CDC14A: variants seen among roughly 807,000 people sequenced by gnomAD.
The protein encoded by CDC14A is dual specificity protein phosphatase CDC14A.
In CDC14A, 53 loss-of-function variants were observed where a neutral mutation model predicts 74.4. The ratio of observed to expected loss-of-function variants is 0.71; its 90% confidence interval spans 0.57 to 0.89. The LOEUF (loss-of-function observed/expected upper bound fraction) is 0.89. Ranked by LOEUF, CDC14A falls within the 40% of genes least tolerant of loss-of-function variation. The probability of loss-of-function intolerance (pLI) is 0.00; values close to 1 mark genes in which losing one functional copy is unlikely to be tolerated. For missense variants in CDC14A, 646 were observed against 713.7 expected (o/e 0.91, Z 1.08); for synonymous variants, 247 against 258.4 (o/e 0.96, Z 0.43).
intron 2 of CDC14A, among the ~76,000 whole-genome samples, chr1:100,360,666 C>T (rs963925980): frequency 6.6e-6 from 1 of 152,024 alleles, no homozygotes; most frequent in African/African-American, 2.4e-5. Context: ...ATTCTGTAAT[C>T]CAGGGGAATC....
At chr1:100,453,562 G>A (rs567382980) in intron 7 of CDC14A, among the ~76,000 whole-genome samples, 1 of 152,256 alleles carries the variant, frequency 6.6e-6, no homozygotes, top group East Asian at 1.9e-4. Context: ...ATAAATAGAA[G>A]CTATGCTTGA....
intron 7 of CDC14A, among the ~76,000 whole-genome samples, chr1:100,444,549 A>G (rs921587321): frequency 1.1e-4 from 17 of 152,154 alleles, no homozygotes; most frequent in Non-Finnish European, 2.4e-4. Context: ...TCTGTGTTCC[A>G]GCTCCTCAAA....
intron 11 of CDC14A, among the ~76,000 whole-genome samples, chr1:100,489,721 G>C (rs1366553623): frequency 2.0e-5 from 3 of 152,054 alleles, no homozygotes; most frequent in Admixed American, 2.0e-4. Context: ...TCCTCCAAAG[G>C]GCAGTGGGGC....
At chr1:100,447,795 C>T (rs1352856480) in intron 7 of CDC14A, among the ~76,000 whole-genome samples, 1 of 152,206 alleles carries the variant, frequency 6.6e-6, no homozygotes, top group Non-Finnish European at 1.5e-5. Flanking sequence ...CACCCATATA[C>T]AGAGTCTACC....
At chr1:100,469,979 A>C (rs1668231128) in intron 10 of CDC14A, among the ~76,000 whole-genome samples, 1 of 152,228 alleles carries the variant, frequency 6.6e-6, no homozygotes, top group Non-Finnish European at 1.5e-5. Context: ...CTCAAAACTC[A>C]AGAAAACAAC....
intron 2 of CDC14A, among the ~76,000 whole-genome samples, chr1:100,359,159 G>A (rs1217380463): frequency 6.6e-6 from 1 of 152,060 alleles, no homozygotes; most frequent in East Asian, 1.9e-4. Flanking sequence ...AACAACAACA[G>A]CAGCAGCAGC....
chr1:100,412,738 T>TATATATATAAAATATATATATA (rs1491428571), intron 4 of CDC14A, among the ~76,000 whole-genome samples: 1 of 97,364 alleles, frequency 1.0e-5, no homozygotes, highest in African/African-American at 6.8e-5. Flanking sequence ...TATATATATA[T>TATATATATAAAATATATATATA]TTTATATATA....
chr1:100,372,067 C>A (rs1206364668), intron 2 of CDC14A, among the ~76,000 whole-genome samples: 1 of 152,196 alleles, frequency 6.6e-6, no homozygotes, highest in Non-Finnish European at 1.5e-5. Flanking sequence ...TATGTTTATA[C>A]TATACTGTGG....
At chr1:100,456,801 C>T (rs1412354888) in intron 8 of CDC14A, among the ~76,000 whole-genome samples, 1 of 152,142 alleles carries the variant, frequency 6.6e-6, no homozygotes, top group African/African-American at 2.4e-5. Flanking sequence ...CTGCTTGAAT[C>T]ATGATTTTAC....
intron 15 of CDC14A, chr1:100,504,674 G>T: frequency 1.6e-6 from 1 of 615,480 alleles, no homozygotes; most frequent in South Asian, 2.2e-5. Flanking sequence ...GTTCAGAAAT[G>T]ACCAGTGGTC....
intron 15 of CDC14A, among the ~76,000 whole-genome samples, chr1:100,510,969 C>T (rs756301): frequency 0.87 from 131,862 of 152,218 alleles, 59,947 homozygotes; most frequent in Non-Finnish European, 1. Flanking sequence ...AAGTAATTTC[C>T]TCTAACTTCC....
At chr1:100,377,238 C>G (rs896578589) in intron 2 of CDC14A, among the ~76,000 whole-genome samples, 1 of 152,076 alleles carries the variant, frequency 6.6e-6, no homozygotes, top group Non-Finnish European at 1.5e-5. Context: ...TGGGGTTTCT[C>G]CATGTTGGTC....
intron 4 of CDC14A, among the ~76,000 whole-genome samples, chr1:100,422,615 T>C (rs1038533665): frequency 6.6e-6 from 1 of 152,182 alleles, no homozygotes; most frequent in African/African-American, 2.4e-5. Context: ...GAGTGACAAT[T>C]CTCCATTTTT....
At chr1:100,373,557 A>G (rs546754688) in intron 2 of CDC14A, among the ~76,000 whole-genome samples, 1 of 152,352 alleles carries the variant, frequency 6.6e-6, no homozygotes, top group East Asian at 1.9e-4. Flanking sequence ...TTGTAAAAAA[A>G]TGCACTATCT....
At chr1:100,472,490 T>C (rs1187804099) in intron 10 of CDC14A, among the ~76,000 whole-genome samples, 1 of 152,116 alleles carries the variant, frequency 6.6e-6, no homozygotes, top group African/African-American at 2.4e-5. Context: ...TAGTCCTTTG[T>C]CTGGTAAATG....
chr1:100,393,560 G>A (rs1658013357), intron 4 of CDC14A: 3 of 738,208 alleles, frequency 4.1e-6, no homozygotes, highest in East Asian at 5.1e-5. Context: ...GGTATCTCAG[G>A]TAGTTCATAG....
chr1:100,379,739 G>T (rs1025360773), intron 3 of CDC14A, among the ~76,000 whole-genome samples: 2 of 152,202 alleles, frequency 1.3e-5, no homozygotes, highest in Admixed American at 1.3e-4. Flanking sequence ...TCCACAGGCT[G>T]TACATGAATC....
intron 7 of CDC14A, among the ~76,000 whole-genome samples, chr1:100,447,354 T>C (rs954307363): frequency 1.3e-5 from 2 of 152,224 alleles, no homozygotes; most frequent in Admixed American, 6.5e-5. Context: ...ATGTGGTCTT[T>C]CCAGGTCCTT....
chr1:100,495,896 G>A, intron 12 of CDC14A, 106 bp from the exon 13 acceptor site: 1 of 903,560 alleles, frequency 1.1e-6, no homozygotes, highest in Non-Finnish European at 1.8e-6. Flanking sequence ...TCTCCCTTTT[G>A]CTAATTTAAT....
Sources: gnomAD v4.1 joint callset for allele counts (sites outside exome capture counted in the v4.1 genomes callset) on GRCh38, gnomAD v4.1.1 for gene constraint, MANE v1.5 for transcripts, NCBI Gene and HGNC (gene_info 2026-07-23, HGNC 2026-07-21) for gene names.